WEE2: variants seen among roughly 807,000 people sequenced by gnomAD.
WEE2 encodes wee1-like protein kinase 2.
In WEE2, 50 loss-of-function variants were observed where a neutral mutation model predicts 60.1. The ratio of observed to expected loss-of-function variants is 0.83; its 90% CI spans 0.66 to 1.05. WEE2 has a LOEUF of 1.05. Ranked by LOEUF, WEE2 falls within the 50% of genes least tolerant of loss-of-function variation. WEE2 has a pLI of 0.00. For synonymous variants in WEE2, 240 were observed against 241.0 expected (o/e 1.00, Z 0.04); for missense variants, 631 against 684.3 (o/e 0.92, Z 0.87).
At chr7:141,720,181 A>G (rs1330198690) in intron 4 of WEE2, among the ~76,000 whole-genome samples, 5 of 90,232 alleles carry the variant, frequency 5.5e-5, no homozygotes, top group Non-Finnish European at 5.8e-5. Context: ...TTTGAGATGG[A>G]ATCTAGCTCT....
At chr7:141,730,185 T>C in intron 11 of WEE2, 110 bp from the exon 12 acceptor site, 1 of 945,694 alleles carries the variant, frequency 1.1e-6, no homozygotes, top group Non-Finnish European at 1.6e-6. Flanking sequence ...AGGCTTTGTC[T>C]TCTCAAGGGT....
At chr7:141,726,414 G>A (rs1055293951) in intron 9 of WEE2, among the ~76,000 whole-genome samples, 5 of 152,080 alleles carry the variant, frequency 3.3e-5, no homozygotes, top group African/African-American at 4.8e-5. Flanking sequence ...CTGAGTAGCT[G>A]GACTGCAGGT....
chr7:141,729,861 G>A (rs1015594538), intron 11 of WEE2, among the ~76,000 whole-genome samples, 188 bp downstream of exon 11: 4 of 151,938 alleles, frequency 2.6e-5, no homozygotes, highest in Non-Finnish European at 4.4e-5. Flanking sequence ...GGTGGCAGGC[G>A]CCTATAATCC....
chr7:141,728,773 G>A (rs1176268032), intron 10 of WEE2, among the ~76,000 whole-genome samples: 3 of 152,160 alleles, frequency 2.0e-5, no homozygotes, highest in South Asian at 2.1e-4. Context: ...GAGCACTACC[G>A]CCTGAGTTCT....
chr7:141,723,115 C>G lies in WEE2; in HGVS notation c.881-19C>G. On this transcript the variant is annotated intron_variant, in intron 5 of 11. Transcript: ENST00000397541. The stretch of plus-strand genomic sequence containing the variant: ...ATAAGACTCATACTGTGGGGCTGTT[C>G]TCTGTTGTTCTTTCCCAGGTGGGAG... 6.2e-7 allele frequency: 1 copy of G among 1,613,674 alleles called. No homozygotes were observed. The highest frequency in any genetic ancestry group is 8.5e-7 in the Non-Finnish European group (1 of 1,179,754).
In WEE2 at chr7:141,725,080, G is replaced by A; in HGVS notation, c.1276G>A (p.Val426Met). 1 of 1,614,174 alleles carries A rather than the reference G, an allele frequency of 6.2e-7. No homozygotes were observed. The highest frequency in any genetic ancestry group is 8.5e-7 in the Non-Finnish European group (1 of 1,180,032). ...DIFALGLTIA[V>M]AAGAESLPTN... ...ATTTGCCTTGGGATTAACAATTGCA[G>A]TGGCTGCAGGAGCAGAGTCATTGCC... is the stretch of plus-strand genomic sequence containing the variant. Residue 426 changes from valine to methionine, a missense_variant, in exon 9 of 12, where the codon GTG (valine) becomes ATG (methionine). By Grantham distance (21) the Val-to-Met change is conservative. Transcript: ENST00000397541.
chr7:141,725,140 G>A lies in WEE2; in HGVS notation c.1336G>A (p.Gly446Ser), dbSNP rs747064391. 6.5e-5 allele frequency: 105 copies of A among 1,614,060 alleles called. No individual in the cohort carries two copies. Among genetic ancestry groups the A allele is most frequent in the South Asian group, 1.1e-5 (1 of 91,082 alleles). The change falls in exon 9 of 12, where the codon GGT (glycine) becomes AGT (serine). Residue 446 changes from glycine (G) to serine (S), a missense_variant. Transcript: ENST00000397541. ...NGAAWHHIRKGNFPDVPQELS... is the reference protein window; with the variant it reads ...NGAAWHHIRKSNFPDVPQELS... ...TGCTGCATGGCACCATATCCGCAAG[G>A]GTAACTTTCCGGACGTTCCTCAGGA... is the stretch of plus-strand genomic sequence containing the variant.
At chr7:141,716,954 G>A (rs1273166285) in intron 3 of WEE2, among the ~76,000 whole-genome samples, 1 of 152,182 alleles carries the variant, frequency 6.6e-6, no homozygotes, top group Non-Finnish European at 1.5e-5. Context: ...TATCCTTAGA[G>A]ATGTTTATTG....
At chr7:141,729,424 T>G (rs1563018301) in intron 10 of WEE2, 107 bp from the exon 11 acceptor site, 1 of 1,511,324 alleles carries the variant, frequency 6.6e-7, no homozygotes, top group East Asian at 2.3e-5. Flanking sequence ...GCTTTTCGTT[T>G]CTGTAAATAC....
At chr7:141,715,435 A>G (rs1798778488) in intron 2 of WEE2, among the ~76,000 whole-genome samples, 2 of 152,188 alleles carry the variant, frequency 1.3e-5, no homozygotes, top group African/African-American at 2.4e-5. Context: ...GTGGTACTAA[A>G]TCACAAATAC....
chr7:141,724,288 G>C lies in WEE2; in HGVS notation c.1221+13G>C. The stretch of plus-strand genomic sequence containing the variant: ...GATTTTGCAAGAGGTATAGATTAGG[G>C]AAATGGAGGGTATTTTATAATCTGT... On this transcript the variant is annotated intron_variant, in intron 8 of 11. Coordinates refer to ENST00000397541, the MANE Select transcript of WEE2 (RefSeq NM_001105558.1). The C allele has an allele frequency of 6.3e-7, 1 of 1,594,950 alleles. No homozygotes were observed. Among genetic ancestry groups the C allele is most frequent in the Non-Finnish European group, 8.5e-7 (1 of 1,171,236 alleles).
In WEE2 at chr7:141,723,226, C is replaced by G; in HGVS notation, c.973C>G (p.Leu325Val). The change falls in exon 6 of 12, where the codon CTT (leucine) becomes GTT (valine). Residue 325 changes from leucine (L) to valine (V), a missense_variant. Leu to Val is a conservative substitution (Grantham distance 32, BLOSUM62 1). Transcript: ENST00000397541. ...KLKDILLQISLGLNYIHNSSM... is the reference protein window; with the variant it reads ...KLKDILLQISVGLNYIHNSSM... ...CAAGGACATCCTTCTACAGATTTCCCTTGGCCTTAATTACATCCACAACTC... is the reference window on the plus strand; with the variant it reads ...CAAGGACATCCTTCTACAGATTTCCGTTGGCCTTAATTACATCCACAACTC... 6.2e-7 allele frequency: 1 copy of G among 1,614,142 alleles called. No individual in the cohort carries two copies. Among genetic ancestry groups the G allele is most frequent in the Non-Finnish European group, 8.5e-7 (1 of 1,180,020 alleles).
chr7:141,716,923 A>G (rs181616099), intron 3 of WEE2, among the ~76,000 whole-genome samples: 32 of 152,342 alleles, frequency 2.1e-4, no homozygotes, highest in Non-Finnish European at 7.4e-5. Context: ...ATCTAACCTA[A>G]GAAAATAATA....
intron 1 of WEE2, among the ~76,000 whole-genome samples, chr7:141,709,490 A>G (rs2117099255): frequency 6.6e-6 from 1 of 152,350 alleles, no homozygotes; most frequent in Admixed American, 6.5e-5. Context: ...AATGTTACAG[A>G]CAGGACTAGA....
intron 4 of WEE2, chr7:141,720,711 A>T: frequency 1.8e-6 from 1 of 552,538 alleles, no homozygotes; most frequent in East Asian, 2.9e-5. Context: ...TAAGTCTGCT[A>T]TTACCAGTTC....
chr7:141,723,098 C>A, intron 5 of WEE2, 36 bp from the exon 6 acceptor site: 1 of 1,612,330 alleles, frequency 6.2e-7, no homozygotes, highest in Non-Finnish European at 8.5e-7. Context: ...CTATAAGACT[C>A]ATACTGTGGG....
chr7:141,730,433 A>G lies in WEE2; in HGVS notation c.*113A>G, dbSNP rs2117130656. ...TTGTACATAGAAAGGAATAGAATTTAGTTTAGAGTTGAAGTCACAGCTTAC... is the reference window on the plus strand; with the variant it reads ...TTGTACATAGAAAGGAATAGAATTTGGTTTAGAGTTGAAGTCACAGCTTAC... On this transcript the variant is annotated 3_prime_UTR_variant, in exon 12 of 12. Transcript: ENST00000397541. The G allele has an allele frequency of 1.0e-6, 1 of 982,080 alleles. No individual in the cohort carries two copies. The highest frequency in any genetic ancestry group is 2.6e-5 in the East Asian group (1 of 38,226). The allele number at this position is 982,080 out of a possible 1,614,324, so 60.8% of individuals were successfully genotyped here. A position where few individuals can be genotyped will look rare whatever the true frequency, so the allele number is the denominator to read the frequency against.
rs1009290121 is a variant in WEE2, at chr7:141,711,883, T to C, written c.343-2326T>C. The C allele has an allele frequency of 6.7e-6, 1 of 148,932 alleles. No individual in the cohort carries two copies. Among genetic ancestry groups the C allele is most frequent in the African/African-American group, 2.6e-5 (1 of 38,414 alleles). The allele number at this position is 148,932 out of a possible 1,614,324, so 9.2% of individuals were successfully genotyped here. Reference sequence around the variant, plus strand: ...GCTTGTTACATGGTGAGAGAAAAAGTGAGACAGTGGAAGCAAGACAGGAAG... The same window carrying C: ...GCTTGTTACATGGTGAGAGAAAAAGCGAGACAGTGGAAGCAAGACAGGAAG... On this transcript the variant is annotated intron_variant, in intron 1 of 11. Transcript: ENST00000397541. This position sits in a 1 kb window ranked among gnomAD's most constrained non-coding sequence, Gnocchi z 4.2.
In WEE2 at chr7:141,714,360, A is replaced by C. The variant is rs1179429019; in HGVS notation, c.494A>C (p.Lys165Thr). 1 of 1,612,250 alleles carries C rather than the reference A, an allele frequency of 6.2e-7. No homozygotes were observed. The highest frequency in any genetic ancestry group is 8.5e-7 in the Non-Finnish European group (1 of 1,179,458). ...CCCTTCACTCCAGAGTCCTATAAAA[A>C]ATTATTTCTTCAATCTGGTGGCAAG... ...INPFTPESYKKLFLQSGGKRK... is the reference protein window; with the variant it reads ...INPFTPESYKTLFLQSGGKRK... The change falls in exon 2 of 12, where the codon AAA (lysine) becomes ACA (threonine). Residue 165 changes from lysine to threonine, a missense_variant. Transcript: ENST00000397541.
Sources: gnomAD v4.1 joint callset for allele counts (sites outside exome capture counted in the v4.1 genomes callset) on GRCh38, gnomAD v4.1.1 for gene constraint, Gnocchi (gnomAD v3.1) non-coding constraint, MANE v1.5 for transcripts, NCBI Gene and HGNC (gene_info 2026-07-23, HGNC 2026-07-21) for gene names.